The following PCLO variants were observed in gnomAD, a reference collection of about 807,000 sequenced individuals.
PCLO encodes piccolo presynaptic cytomatrix protein.
Under a neutral mutation model 427.5 loss-of-function variants are expected in PCLO, and 82 were observed. The ratio of observed to expected loss-of-function variants is 0.19; its 90% CI spans 0.16 to 0.23. PCLO has a LOEUF of 0.23. PCLO is among the 10% of genes least tolerant of loss of function. The pLI is 1.00. For synonymous variants in PCLO, 2,357 were observed against 2,155.4 expected, an observed-to-expected ratio of 1.09 and a Z score of -2.59; for missense variants, 6,239 against 6,115.9, an observed-to-expected ratio of 1.02 and a Z score of -0.67.
rs1339773270 is a variant in PCLO at position 82,805,784 on chromosome 7, C to A, written c.14837G>T (p.Gly4946Val). The A allele has an allele frequency of 1.9e-6, 3 of 1,608,904 alleles. No homozygotes were observed. The highest frequency in any genetic ancestry group is 1.3e-5 in the African/African-American group (1 of 74,812). Residue 4946 changes from glycine to valine, a missense_variant, in exon 21 of 25, where the codon GGC becomes GTC. This residue lies in a region of PCLO where 877 missense variants were observed against 925.5 expected (regional missense o/e 0.95). Transcript: ENST00000333891. ...ACTGCCAAAGCTGCTGCCCGAGGAG[C>A]CGGTGGACACAGAGCTTTCTGCAGG... ...HRPAESSVSTGSSGSSFGSGY... is the reference protein window; with the variant it reads ...HRPAESSVSTVSSGSSFGSGY...
At chr7:83,063,218 GCTT>G (rs1339727191) in intron 3 of PCLO, among the ~76,000 whole-genome samples, 2 of 152,044 alleles carry the variant, frequency 1.3e-5, no homozygotes, top group Non-Finnish European at 2.9e-5. Flanking sequence ...TGATGTTAAA[GCTT>G]CTTCTTATAA....
Position 82,870,230 on chromosome 7 carries a change from A to G in PCLO, c.13654+9107T>C, listed in dbSNP as rs567761690. Among the ~76,000 whole-genome samples, 10 of 152,196 alleles carry G rather than the reference A, an allele frequency of 6.6e-5. No homozygotes were observed. The South Asian group carries it at 2.1e-3, about 32-fold the overall frequency. ...ACTAACCAAAAGAGCATGGCATGGC[A>G]TAAAAATAGACACATAGACTAATGG... On this transcript the variant is annotated intron_variant, in intron 10 of 24. Coordinates refer to ENST00000333891, the MANE Select transcript of PCLO (RefSeq NM_033026.6).
intron 3 of PCLO, among the ~76,000 whole-genome samples, chr7:83,039,679 G>T (rs182429723): frequency 2.5e-4 from 38 of 152,068 alleles, no homozygotes; most frequent in African/African-American, 7.9e-4. Flanking sequence ...GATAATCTGG[G>T]CCCCTTGTAA....
At chr7:82,876,284 A>C (rs985755336) in intron 10 of PCLO, among the ~76,000 whole-genome samples, 19 of 151,986 alleles carry the variant, frequency 1.3e-4, no homozygotes, top group African/African-American at 3.6e-4. Flanking sequence ...TGGAAAAAAA[A>C]CCTCCAGTGA....
chr7:82,916,264 G>A lies in PCLO; in HGVS notation c.11722C>T (p.His3908Tyr). 6.2e-7 allele frequency: 1 copy of A among 1,613,682 alleles called. No individual in the cohort carries two copies. Among genetic ancestry groups the A allele is most frequent in the Non-Finnish European group, 8.5e-7 (1 of 1,179,686 alleles). The change falls in exon 7 of 25, where the codon CAT (histidine) becomes TAT (tyrosine). Residue 3908 changes from histidine to tyrosine, a missense_variant. Transcript: ENST00000333891. ...QAPTSYTQQS[H>Y]FEQQTLYHQQ... ...TGGTACAAAGTTTGTTGCTCAAAATGAGACTGTTGAGTGTATGAGGTGGGT... is the reference window on the plus strand; with the variant it reads ...TGGTACAAAGTTTGTTGCTCAAAATAAGACTGTTGAGTGTATGAGGTGGGT...
At chr7:83,139,759 A>G (rs1791818096) in intron 2 of PCLO, among the ~76,000 whole-genome samples, 1 of 152,160 alleles carries the variant, frequency 6.6e-6, no homozygotes, top group Non-Finnish European at 1.5e-5. Context: ...TGATCCATCA[A>G]CATTCACCCT....
At chr7:83,154,649 G>C (rs760876859) in intron 2 of PCLO, 99 bp downstream of exon 2, 11 of 905,786 alleles carry the variant, frequency 1.2e-5, no homozygotes, top group Non-Finnish European at 1.7e-5. Context: ...TCCAGAGAAA[G>C]ACAATGCCAT....
intron 13 of PCLO, among the ~76,000 whole-genome samples, chr7:82,842,186 G>A (rs1792384290): frequency 6.6e-6 from 1 of 151,948 alleles, no homozygotes; most frequent in Non-Finnish European, 1.5e-5. Context: ...TGGCTTAAAA[G>A]CAGACAGACA....
At chr7:82,999,354 A>G (rs1372820295) in intron 3 of PCLO, among the ~76,000 whole-genome samples, 3 of 135,006 alleles carry the variant, frequency 2.2e-5, no homozygotes, top group African/African-American at 5.6e-5. Flanking sequence ...TTTAATATAT[A>G]TACTTTTTCC....
intron 9 of PCLO, among the ~76,000 whole-genome samples, chr7:82,891,624 G>A (rs899919831): frequency 6.6e-6 from 1 of 151,976 alleles, no homozygotes. Context: ...AGTTTTCAAA[G>A]GGAATGCTTC....
intron 22 of PCLO, among the ~76,000 whole-genome samples, chr7:82,787,817 A>G (rs892438234): frequency 2.6e-5 from 4 of 152,168 alleles, no homozygotes; most frequent in Non-Finnish European, 4.4e-5. Flanking sequence ...ACATCAAACT[A>G]AATTGCAAAA....
intron 9 of PCLO, among the ~76,000 whole-genome samples, chr7:82,899,219 G>A (rs2116172918): frequency 6.6e-6 from 1 of 151,382 alleles, no homozygotes; most frequent in East Asian, 1.9e-4. Context: ...TGAAAGTAGA[G>A]CTAACAATAA....
At chr7:82,939,066 G>A (rs1457879829) in intron 6 of PCLO, among the ~76,000 whole-genome samples, 2 of 151,892 alleles carry the variant, frequency 1.3e-5, no homozygotes, top group African/African-American at 2.4e-5. Flanking sequence ...GTCTGCCCGC[G>A]AACCTTTCCA....
At chr7:82,832,211 A>G (rs1032552582) in intron 16 of PCLO, among the ~76,000 whole-genome samples, 1 of 152,166 alleles carries the variant, frequency 6.6e-6, no homozygotes, top group African/African-American at 2.4e-5. Context: ...TTATCAAAAA[A>G]TATCTAAAAC....
rs1182329462 is a variant in PCLO, at chr7:82,965,882, T to G, written c.3906A>C (p.Thr1302=). 5 of 1,613,960 alleles carry G rather than the reference T, an allele frequency of 3.1e-6. No individual in the cohort carries two copies. In the South Asian group the frequency reaches 5.5e-5, roughly 18 times the overall value. Residue 1302 remains threonine (T), a synonymous_variant, in exon 4 of 25, where the codon ACA becomes ACC. Coordinates refer to ENST00000333891, the MANE Select transcript of PCLO (RefSeq NM_033026.6). ...CATCTTCTTTAGGTAAACTCTGAGG[T>G]GTGCCAGATGGTAAACCTTCCATCT... The part of the protein sequence containing the change: ...QTKMEGLPSG[T]PQSLPKEDDK...
chr7:82,803,677 T>C (rs1358903343), intron 21 of PCLO, among the ~76,000 whole-genome samples: 2 of 152,132 alleles, frequency 1.3e-5, no homozygotes, highest in African/African-American at 4.8e-5. Flanking sequence ...TGGCTATACA[T>C]TTTATAATTT....
Position 83,057,372 on chromosome 7 carries a change from T to A in PCLO, c.3300+76878A>T, listed in dbSNP as rs1312748770. Among the ~76,000 whole-genome samples, 10 of 85,698 alleles carry A rather than the reference T, an allele frequency of 1.2e-4. 1 individual carries two copies. The highest frequency in any genetic ancestry group is 5.2e-4 in the African/African-American group (10 of 19,398). The allele number at this position is 85,698 out of a possible 152,430, so 56.2% of individuals were successfully genotyped here. On this transcript the variant is annotated intron_variant, in intron 3 of 24. Transcript: ENST00000333891. ...TATTTTTTTTTTTTTTTTTTTTTTT[T>A]TTTTTTTGAGGCAGAGTCTCGCTCT... is the stretch of plus-strand genomic sequence containing the variant.
intron 3 of PCLO, among the ~76,000 whole-genome samples, chr7:83,030,134 A>G (rs1037654736): frequency 3.8e-5 from 5 of 131,450 alleles, no homozygotes; most frequent in Non-Finnish European, 8.6e-5. Flanking sequence ...AAAAAAAAAA[A>G]GAAAAGAAAA....
intron 10 of PCLO, among the ~76,000 whole-genome samples, chr7:82,849,175 T>G (rs2115832621): frequency 6.6e-6 from 1 of 152,316 alleles, no homozygotes; most frequent in Non-Finnish European, 1.5e-5. Flanking sequence ...CTGTTGAATT[T>G]ACCTGTTCAT....
Sources: gnomAD v4.1 joint callset for allele counts (sites outside exome capture counted in the v4.1 genomes callset) on GRCh38, gnomAD v4.1.1 for gene constraint, gnomAD v4.1.1 regional missense constraint, MANE v1.5 for transcripts, NCBI Gene and HGNC (gene_info 2026-07-23, HGNC 2026-07-21) for gene names.